The following AGO3 variants were observed in gnomAD, a reference collection of about 807,000 sequenced individuals.
AGO3 encodes the protein protein argonaute-3.
A neutral mutation model predicts 105.5 loss-of-function variants in AGO3; 16 were observed. The observed-to-expected ratio is 0.15, with a 90% CI of 0.10 to 0.23. The LOEUF is 0.23. AGO3 is among the 10% of genes least tolerant of loss of function. AGO3 has a pLI of 1.00. For missense variants in AGO3, 534 were observed against 1,088.0 expected, an observed-to-expected ratio of 0.49 and a Z score of 7.16; for synonymous variants, 340 against 367.3, an observed-to-expected ratio of 0.93 and a Z score of 0.85.
intron 5 of AGO3, among the ~76,000 whole-genome samples, chr1:35,996,061 A>G (rs1216979645): frequency 7.2e-5 from 11 of 152,316 alleles, no homozygotes; most frequent in Non-Finnish European, 1.3e-4. Flanking sequence ...CAAGGCAGCC[A>G]GGCGCACTGG....
chr1:35,991,057 C>G (rs1647596297), intron 5 of AGO3, among the ~76,000 whole-genome samples: 1 of 152,154 alleles, frequency 6.6e-6, no homozygotes, highest in African/African-American at 2.4e-5. Context: ...AATTCTACCA[C>G]TTATGGGAGG....
chr1:36,056,404 C>T lies in AGO3; in HGVS notation c.*659C>T, dbSNP rs1357094353. ...CACCTACATTTTTTTCCCAGTCCTA[C>T]CAGTGACATTCAAATGTTGATGTAT... On this transcript the variant is annotated 3_prime_UTR_variant, in exon 19 of 19. Transcript: ENST00000373191. The T allele has an allele frequency of 1.3e-5, 2 of 152,092 alleles. No homozygotes were observed. Among genetic ancestry groups the T allele is most frequent in the African/African-American group, 4.8e-5 (2 of 41,394 alleles). The allele number at this position is 152,092 out of a possible 1,614,324, so 9.4% of individuals were successfully genotyped here. A position where few individuals can be genotyped will look rare whatever the true frequency, so the allele number is the denominator to read the frequency against.
chr1:36,010,268 G>A (rs1383242203), intron 9 of AGO3, among the ~76,000 whole-genome samples: 4 of 151,838 alleles, frequency 2.6e-5, no homozygotes, highest in Admixed American at 6.6e-5. Context: ...CTCAGTCTAA[G>A]ATTGCTTAGT....
chr1:36,031,708 A>G (rs919910148), intron 12 of AGO3, among the ~76,000 whole-genome samples: 11 of 151,954 alleles, frequency 7.2e-5, no homozygotes, highest in Non-Finnish European at 1.3e-4. Context: ...ACCTCACGTA[A>G]CCCCTGGAAA....
chr1:36,025,142 A>T (rs555875367), intron 11 of AGO3, among the ~76,000 whole-genome samples: 22 of 152,322 alleles, frequency 1.4e-4, no homozygotes, highest in African/African-American at 4.8e-4. Context: ...TTCTTGAGTG[A>T]TACAGAGACC....
At chr1:36,048,293 A>T (rs1468604784) in intron 17 of AGO3, among the ~76,000 whole-genome samples, 1 of 147,512 alleles carries the variant, frequency 6.8e-6, no homozygotes, top group South Asian at 2.1e-4. Context: ...CAATCATTCA[A>T]TCAATCAATC....
chr1:35,987,557 C>G (rs1170870359), intron 5 of AGO3, among the ~76,000 whole-genome samples: 1 of 151,654 alleles, frequency 6.6e-6, no homozygotes, highest in South Asian at 2.1e-4. Context: ...GTACTAGGTA[C>G]ATACAAATAA....
chr1:36,043,559 A>G lies in AGO3; in HGVS notation c.2274+11A>G. On this transcript the variant is annotated intron_variant, in intron 17 of 18. Transcript: ENST00000373191. ...CATGCTGGAATACAGGTAAGCCTAC[A>G]CTTTGGGTAAAATATTTTAATTCAA... 6.4e-7 allele frequency: 1 copy of G among 1,572,922 alleles called. No homozygotes were observed. The highest frequency in any genetic ancestry group is 1.2e-5 in the South Asian group (1 of 86,030).
intron 6 of AGO3, among the ~76,000 whole-genome samples, chr1:36,005,207 A>G (rs1366560556): frequency 6.6e-6 from 1 of 152,196 alleles, no homozygotes; most frequent in Admixed American, 6.5e-5. Flanking sequence ...AATAGCCAGA[A>G]ATAATTATGT....
chr1:35,953,096 A>G (rs1444448190), intron 2 of AGO3, among the ~76,000 whole-genome samples: 3 of 152,158 alleles, frequency 2.0e-5, no homozygotes, highest in Non-Finnish European at 4.4e-5. Context: ...TGATAACTCT[A>G]TATTTAACCT....
intron 2 of AGO3, among the ~76,000 whole-genome samples, chr1:35,958,121 G>A (rs563543305): frequency 2.0e-5 from 3 of 152,002 alleles, no homozygotes; most frequent in Non-Finnish European, 4.4e-5. Context: ...GGTGGCTCAC[G>A]CCTGTAATCC....
chr1:36,040,817 A>T (rs990081799), intron 16 of AGO3, among the ~76,000 whole-genome samples: 13 of 152,264 alleles, frequency 8.5e-5, no homozygotes, highest in African/African-American at 2.9e-4. Flanking sequence ...TCACACCTGT[A>T]ATTCCAGCAC....
At position 36,057,477 on chromosome 1, in the gene AGO3, A is replaced by G. The variant is rs1165623722; in HGVS notation, c.*1732A>G. The G allele has an allele frequency of 6.6e-6, 1 of 152,268 alleles. No homozygotes were observed. The highest frequency in any genetic ancestry group is 1.9e-4 in the East Asian group (1 of 5,188). 9.4% of individuals were successfully genotyped at this position (152,268 alleles called of 1,614,324 possible). ...TTGGCAGCATCTTTTATAGAAATATAATCATGTTTATTTTAAGAACTGACA... is the reference window on the plus strand; with the variant it reads ...TTGGCAGCATCTTTTATAGAAATATGATCATGTTTATTTTAAGAACTGACA... On this transcript the variant is annotated 3_prime_UTR_variant, in exon 19 of 19. Coordinates refer to ENST00000373191, the MANE Select transcript of AGO3 (RefSeq NM_024852.4).
At chr1:35,991,747 C>T (rs901234067) in intron 5 of AGO3, among the ~76,000 whole-genome samples, 1 of 151,994 alleles carries the variant, frequency 6.6e-6, no homozygotes, top group African/African-American at 2.4e-5. Context: ...TGTTATCTTT[C>T]ATAGCATGCT....
chr1:35,948,481 G>A (rs967088748), intron 2 of AGO3, among the ~76,000 whole-genome samples: 38 of 36,478 alleles, frequency 1.0e-3, no homozygotes, highest in Non-Finnish European at 1.9e-3. Flanking sequence ...CCACCCCACC[G>A]CCGGCCTCCC....
Position 36,058,264 on chromosome 1 carries a change from T to G in AGO3, c.*2519T>G, listed in dbSNP as rs1215063633. 2.0e-5 allele frequency: 3 copies of G among 152,198 alleles called. No individual in the cohort carries two copies. The highest frequency in any genetic ancestry group is 4.4e-5 in the Non-Finnish European group (3 of 68,034). 9.4% of individuals were successfully genotyped at this position (152,198 alleles called of 1,614,324 possible). A position where few individuals can be genotyped will look rare whatever the true frequency, so the allele number is the denominator to read the frequency against. On this transcript the variant is annotated 3_prime_UTR_variant, in exon 19 of 19. Transcript: ENST00000373191. Reference sequence around the variant, plus strand: ...ATAGTAACAAAGGAAGTTAGGACTTTGATCATTTTAAATCAGTTAAATCAC... The same window carrying G: ...ATAGTAACAAAGGAAGTTAGGACTTGGATCATTTTAAATCAGTTAAATCAC...
At chr1:36,033,332 A>G (rs1223932654) in intron 12 of AGO3, among the ~76,000 whole-genome samples, 1 of 145,824 alleles carries the variant, frequency 6.9e-6, no homozygotes, top group Non-Finnish European at 1.5e-5. Context: ...ATGTGACTCC[A>G]TCTCAAAAAA....
At chr1:35,956,555 G>A (rs1646568286) in intron 2 of AGO3, among the ~76,000 whole-genome samples, 1 of 152,072 alleles carries the variant, frequency 6.6e-6, no homozygotes, top group African/African-American at 2.4e-5. Context: ...AAAACACACA[G>A]GGATTGGAAA....
chr1:36,029,654 C>G (rs541048722), intron 12 of AGO3, among the ~76,000 whole-genome samples: 1 of 150,976 alleles, frequency 6.6e-6, no homozygotes, highest in East Asian at 2.0e-4. Flanking sequence ...CCTCAGCCTC[C>G]CAAAGTGCTG....
Sources: gnomAD v4.1 joint callset for allele counts (sites outside exome capture counted in the v4.1 genomes callset) on GRCh38, gnomAD v4.1.1 for gene constraint, MANE v1.5 for transcripts, NCBI Gene and HGNC (gene_info 2026-07-23, HGNC 2026-07-21) for gene names.